The following FRMD5 variants were observed in gnomAD, a reference collection of about 807,000 sequenced individuals.
FRMD5 encodes the protein FERM domain containing 5.
A neutral mutation model predicts 69.0 loss-of-function variants in FRMD5; 20 were observed. That is an observed-to-expected ratio of 0.29 (90% CI 0.20 to 0.42). FRMD5 has a LOEUF of 0.42. FRMD5 is among the 10% of genes least tolerant of loss of function. The pLI is 1.00. For synonymous variants in FRMD5, 271 were observed against 260.1 expected (o/e 1.04, Z -0.40); for missense variants, 595 against 708.6 (o/e 0.84, Z 1.82).
In FRMD5 at chr15:43,963,694, T is replaced by G. The variant is rs147307944; in HGVS notation, c.103-39385A>C. 5.9e-3 allele frequency among the ~76,000 whole-genome samples: 894 copies of G among 152,366 alleles called. 11 individuals carry two copies. Among genetic ancestry groups the G allele is most frequent in the African/African-American group, 0.02 (847 of 41,590 alleles). ...AATGATAGACTGGATTAAGAACATT[T>G]GGCACATATACACCATGAAATACTA... On this transcript the variant is annotated intron_variant, in intron 1 of 13. Coordinates refer to ENST00000417257, the MANE Select transcript of FRMD5 (RefSeq NM_032892.5).
Position 44,195,097 on chromosome 15 carries a change from A to G in FRMD5, c.-43T>C, listed in dbSNP as rs769273246. 41 of 1,219,728 alleles carry G rather than the reference A, an allele frequency of 3.4e-5. 1 individual carries two copies. In the South Asian group the frequency reaches 5.2e-4, roughly 15 times the overall value. 75.6% of individuals were successfully genotyped at this position (1,219,728 alleles called of 1,614,324 possible). ...CGGGAGCGACGCGGCGGCGCTGCGGACCCTGGACCAGGCGTCCCTCAGCCC... is the reference window on the plus strand; with the variant it reads ...CGGGAGCGACGCGGCGGCGCTGCGGGCCCTGGACCAGGCGTCCCTCAGCCC... On this transcript the variant is annotated 5_prime_UTR_variant, in exon 1 of 14. Coordinates refer to ENST00000417257, the MANE Select transcript of FRMD5 (RefSeq NM_032892.5).
chr15:44,192,325 T>C (rs1411329077), intron 1 of FRMD5, among the ~76,000 whole-genome samples: 2 of 152,196 alleles, frequency 1.3e-5, no homozygotes, highest in East Asian at 1.9e-4. Flanking sequence ...AACCCAGTGA[T>C]ACATTTCTGA....
chr15:44,047,864 T>C (rs1287158105), intron 1 of FRMD5, among the ~76,000 whole-genome samples: 1 of 152,240 alleles, frequency 6.6e-6, no homozygotes, highest in East Asian at 1.9e-4. Flanking sequence ...TCAAGCTTCA[T>C]CTATGTTGTA....
chr15:44,197,586 G>T (rs1487241665), upstream of FRMD5, among the ~76,000 whole-genome samples: 1 of 150,866 alleles, frequency 6.6e-6, no homozygotes, highest in South Asian at 2.1e-4. Flanking sequence ...GGAGGCTGAG[G>T]CAGGAGATTT....
intron 4 of FRMD5, among the ~76,000 whole-genome samples, chr15:43,913,325 A>C (rs1190930791): frequency 6.6e-6 from 1 of 152,242 alleles, no homozygotes; most frequent in East Asian, 1.9e-4. Flanking sequence ...AAGAGGGAAA[A>C]GGATACACCA....
At chr15:44,011,303 G>A (rs970614149) in intron 1 of FRMD5, among the ~76,000 whole-genome samples, 4 of 152,088 alleles carry the variant, frequency 2.6e-5, no homozygotes, top group African/African-American at 9.7e-5. Context: ...TACGGTAGTA[G>A]TGAAGTTTGT....
At chr15:44,131,191 T>A (rs865786400) in intron 1 of FRMD5, among the ~76,000 whole-genome samples, 1 of 152,080 alleles carries the variant, frequency 6.6e-6, no homozygotes. Context: ...AATAAGTACA[T>A]GAAAATATGC....
At chr15:43,988,606 G>C (rs1364952080) in intron 1 of FRMD5, among the ~76,000 whole-genome samples, 1 of 152,044 alleles carries the variant, frequency 6.6e-6, no homozygotes, top group East Asian at 1.9e-4. Context: ...ACAAAAAAGT[G>C]GGGCCATGAA....
chr15:44,006,784 C>G (rs1368303702), intron 1 of FRMD5, among the ~76,000 whole-genome samples: 1 of 152,176 alleles, frequency 6.6e-6, no homozygotes, highest in Admixed American at 6.5e-5. Flanking sequence ...TATGGATGAG[C>G]AGAGAAAGTG....
chr15:43,994,170 T>A (rs568598527), intron 1 of FRMD5, among the ~76,000 whole-genome samples: 2 of 152,346 alleles, frequency 1.3e-5, no homozygotes, highest in South Asian at 4.1e-4. Flanking sequence ...CTTCTCTTGC[T>A]ATCTTCCTTT....
chr15:44,012,761 GTTTTT>G (rs35690752), intron 1 of FRMD5, among the ~76,000 whole-genome samples: 1 of 120,842 alleles, frequency 8.3e-6, no homozygotes, highest in Non-Finnish European at 1.7e-5. Context: ...AAGTTATTGG[GTTTTT>G]TTTTTTTTTT....
chr15:43,885,331 C>T (rs2088636782), intron 11 of FRMD5, among the ~76,000 whole-genome samples: 1 of 152,102 alleles, frequency 6.6e-6, no homozygotes, highest in African/African-American at 2.4e-5. Context: ...TGCCACCACA[C>T]CCAGATAATT....
At chr15:44,017,773 A>T (rs1003493718) in intron 1 of FRMD5, among the ~76,000 whole-genome samples, 1 of 150,636 alleles carries the variant, frequency 6.6e-6, no homozygotes, top group African/African-American at 2.4e-5. Flanking sequence ...GCCCAGCTAA[A>T]TTTTTTTTTG....
intron 1 of FRMD5, among the ~76,000 whole-genome samples, chr15:44,065,764 A>C (rs957206770): frequency 7.9e-5 from 12 of 152,194 alleles, no homozygotes; most frequent in African/African-American, 2.9e-4. Flanking sequence ...AATATTTTTA[A>C]CTTTAAAGGT....
chr15:43,919,332 A>G, intron 4 of FRMD5, 127 bp downstream of exon 4: 1 of 831,294 alleles, frequency 1.2e-6, no homozygotes, highest in South Asian at 1.3e-5. Context: ...AAGTCATTAT[A>G]TTTAGGAAGA....
At chr15:44,187,087 G>C (rs1271785409) in intron 1 of FRMD5, among the ~76,000 whole-genome samples, 1 of 152,128 alleles carries the variant, frequency 6.6e-6, no homozygotes, top group Non-Finnish European at 1.5e-5. Context: ...ATTCATCAAA[G>C]GATTTTCAAA....
intron 1 of FRMD5, among the ~76,000 whole-genome samples, chr15:44,119,803 A>G (rs2076921395): frequency 6.6e-6 from 1 of 151,962 alleles, no homozygotes; most frequent in African/African-American, 2.4e-5. Context: ...GGGTTCTGCC[A>G]GAACACAAAC....
chr15:43,879,151 T>C (rs1045270566), intron 13 of FRMD5, among the ~76,000 whole-genome samples: 8 of 152,044 alleles, frequency 5.3e-5, no homozygotes, highest in Non-Finnish European at 2.9e-5. Flanking sequence ...TTGGCCAGGC[T>C]GGTCTGAGCT....
intron 1 of FRMD5, among the ~76,000 whole-genome samples, chr15:44,176,101 G>T (rs1013364350): frequency 6.6e-6 from 1 of 152,064 alleles, no homozygotes; most frequent in African/African-American, 2.4e-5. Context: ...AAGAATGAAG[G>T]TGGTGAACTC....
Sources: allele counts gnomAD v4.1 joint callset (sites outside exome capture counted in the v4.1 genomes callset), GRCh38; gene constraint gnomAD v4.1.1; transcripts MANE v1.5; gene names NCBI Gene and HGNC (gene_info 2026-07-23, HGNC 2026-07-21).